SAMHD1: variants seen among roughly 807,000 people sequenced by gnomAD.
SAMHD1 encodes the protein SAM and HD domain containing deoxynucleoside triphosphate triphosphohydrolase 1, also known as deoxynucleoside triphosphate triphosphohydrolase SAMHD1.
A neutral mutation model predicts 79.6 loss-of-function variants in SAMHD1; 54 were observed. The observed-to-expected ratio is 0.68, with a 90% confidence interval of 0.55 to 0.85. The LOEUF is 0.85. Among genes scored for constraint, SAMHD1 ranks in the 40% least tolerant of loss-of-function variants. The pLI is 0.00. For synonymous variants in SAMHD1, 260 were observed against 264.1 expected (o/e 0.98, Z 0.15); for missense variants, 663 against 782.7 (o/e 0.85, Z 1.82).
rs370354908 is a variant in SAMHD1, at chr20:36,904,165, T to C, written c.1495A>G (p.Ile499Val). ...CTGGGCTAATTACTTACATCCACTA[T>C]AAAATCTTCAGCCTTCAGTTTCACG... ...LDVKLKAEDF[I>V]VDVINMDYGM... The change falls in exon 13 of 16, where the codon ATA becomes GTA. Residue 499 changes from isoleucine to valine, a missense_variant. Physicochemically the swap from Ile to Val is conservative, Grantham distance 29. Transcript: ENST00000646673. The C allele has an allele frequency of 8.1e-6, 13 of 1,609,276 alleles. No homozygotes were observed. The highest frequency in any genetic ancestry group is 1.1e-5 in the Non-Finnish European group (13 of 1,175,604).
intron 11 of SAMHD1, among the ~76,000 whole-genome samples, chr20:36,908,171 T>TA (rs774408105): frequency 6.6e-6 from 1 of 152,268 alleles, no homozygotes. Context: ...CCACCCTGCC[T>TA]AGCCTTACAT....
At chr20:36,914,412 G>A (rs1373888496) in intron 9 of SAMHD1, among the ~76,000 whole-genome samples, 5 of 151,688 alleles carry the variant, frequency 3.3e-5, no homozygotes, top group East Asian at 2.0e-4. Flanking sequence ...GTGCAGTGGC[G>A]CAATCTCGGC....
chr20:36,926,500 AAT>A (rs1445726155), intron 6 of SAMHD1, among the ~76,000 whole-genome samples: 1 of 152,166 alleles, frequency 6.6e-6, no homozygotes, highest in Non-Finnish European at 1.5e-5. Flanking sequence ...CTGACTGGGT[AAT>A]AGTCATATGG....
In SAMHD1 at chr20:36,911,295, T is replaced by C. The variant is rs916801950; in HGVS notation, c.1193A>G (p.Glu398Gly). The C allele has an allele frequency of 1.9e-6, 3 of 1,612,656 alleles. No homozygotes were observed. Among genetic ancestry groups the C allele is most frequent in the Admixed American group, 1.7e-5 (1 of 59,968 alleles). ...CTTTTTTCCTCCAGCACCTGTAATC[T>C]CTATGTAGTCATCTGCTTTGAGGAA... Reference protein sequence around the residue: ...DAFLKADDYIEITGAGGKKYR... With the variant: ...DAFLKADDYIGITGAGGKKYR... The change falls in exon 11 of 16, where the codon GAG becomes GGG. Residue 398 changes from glutamate (E) to glycine (G), a missense_variant. By Grantham distance (98) the Glu-to-Gly change is moderately conservative. Coordinates refer to ENST00000646673, the MANE Select transcript of SAMHD1 (RefSeq NM_015474.4).
At chr20:36,927,587 GATT>G (rs1414316232) in intron 5 of SAMHD1, among the ~76,000 whole-genome samples, 2 of 152,140 alleles carry the variant, frequency 1.3e-5, no homozygotes, top group African/African-American at 2.4e-5. Flanking sequence ...AAAGTGCTGG[GATT>G]ACAGGCGTGA....
intron 13 of SAMHD1, among the ~76,000 whole-genome samples, chr20:36,901,374 C>T (rs551846920): frequency 5.3e-5 from 8 of 152,274 alleles, no homozygotes; most frequent in African/African-American, 1.9e-4. Context: ...TGCAGCAAGG[C>T]ATGATCATGC....
intron 1 of SAMHD1, chr20:36,947,121 T>C (rs1197244632): frequency 1.0e-5 from 3 of 295,902 alleles, no homozygotes; most frequent in East Asian, 8.9e-5. Flanking sequence ...TCAGCAGCTT[T>C]GAGTTGGGGA....
At chr20:36,921,414 G>T (rs1347834374) in intron 6 of SAMHD1, among the ~76,000 whole-genome samples, 3 of 97,758 alleles carry the variant, frequency 3.1e-5, no homozygotes, top group African/African-American at 4.3e-5. Flanking sequence ...AAAAAAAAAC[G>T]AATTGAATCA....
chr20:36,919,395 C>T lies in SAMHD1; in HGVS notation c.821G>A (p.Gly274Glu), dbSNP rs2063492690. ...ATCTTCGACAGGTGATTCAAGTGGT[C>T]CTACAATTTGTTCCTTTATAAAGCA... ...DICFIKEQIV[G>E]PLESPVEDSL... The change falls in exon 7 of 16, where the codon GGA (glycine) becomes GAA (glutamate). Residue 274 changes from glycine to glutamate, a missense_variant. Coordinates refer to ENST00000646673, the MANE Select transcript of SAMHD1 (RefSeq NM_015474.4). The T allele has an allele frequency of 1.9e-6, 3 of 1,613,590 alleles. No individual in the cohort carries two copies. The highest frequency in any genetic ancestry group is 1.3e-5 in the African/African-American group (1 of 74,996).
At position 36,898,483 on chromosome 20, in the gene SAMHD1, C is replaced by T. The variant is rs1046544176; in HGVS notation, c.1565G>A (p.Cys522Tyr). Residue 522 changes from cysteine to tyrosine, a missense_variant, in exon 14 of 16, where the codon TGT becomes TAT. Cys to Tyr is a radical substitution (Grantham distance 194, BLOSUM62 -2). Transcript: ENST00000646673. ...KNPIDHVSFYCKTAPNRAIRI... is the reference protein window; with the variant it reads ...KNPIDHVSFYYKTAPNRAIRI... The stretch of plus-strand genomic sequence containing the variant: ...GATTGCTCTGTTGGGGGCAGTCTTA[C>T]AATAGAAGCTAACATGATCAATTGG... 8 of 1,613,996 alleles carry T rather than the reference C, an allele frequency of 5.0e-6. No homozygotes were observed. Among genetic ancestry groups the T allele is most frequent in the Non-Finnish European group, 6.8e-6 (8 of 1,179,980 alleles).
Position 36,892,244 on chromosome 20 carries a change from C to T in SAMHD1, c.*688G>A, listed in dbSNP as rs2148351558. ...CGTGTTGGAGGCCACTCCTGGCCATCATCTCCAACTCTTTACCCCAACCTG... is the reference window on the plus strand; with the variant it reads ...CGTGTTGGAGGCCACTCCTGGCCATTATCTCCAACTCTTTACCCCAACCTG... On this transcript the variant is annotated 3_prime_UTR_variant, in exon 16 of 16. Transcript: ENST00000646673. 6.5e-6 allele frequency: 1 copy of T among 154,236 alleles called. No individual in the cohort carries two copies. Among genetic ancestry groups the T allele is most frequent in the South Asian group, 2.0e-4 (1 of 4,934 alleles). The allele number at this position is 154,236 out of a possible 1,614,324, so 9.6% of individuals were successfully genotyped here. A position where few individuals can be genotyped will look rare whatever the true frequency, so the allele number is the denominator to read the frequency against.
In SAMHD1 at chr20:36,951,698, G is replaced by T; in HGVS notation, c.-55C>A. On this transcript the variant is annotated 5_prime_UTR_variant, in exon 1 of 16. Coordinates refer to ENST00000646673, the MANE Select transcript of SAMHD1 (RefSeq NM_015474.4). Reference sequence around the variant, plus strand: ...AAGAACCTCGGCGCCGGACCCGCGCGCAGGCGCACTGACAGCAGGGCCCTG... The same window carrying T: ...AAGAACCTCGGCGCCGGACCCGCGCTCAGGCGCACTGACAGCAGGGCCCTG... 2.5e-6 allele frequency: 4 copies of T among 1,608,684 alleles called. No individual in the cohort carries two copies. Among genetic ancestry groups the T allele is most frequent in the Non-Finnish European group, 3.4e-6 (4 of 1,179,784 alleles).
chr20:36,893,038 G>C lies in SAMHD1; in HGVS notation c.1775C>G (p.Thr592Arg). Reference protein sequence around the residue: ...QDGDVIAPLITPQKKEWNDST... With the variant: ...QDGDVIAPLIRPQKKEWNDST... ...GTCGTTCCATTCCTTTTTTTGAGGTGTTATGAGTGGGGCTATAACATCGCC... is the reference window on the plus strand; with the variant it reads ...GTCGTTCCATTCCTTTTTTTGAGGTCTTATGAGTGGGGCTATAACATCGCC... Residue 592 changes from threonine to arginine, a missense_variant, in exon 16 of 16, where the codon ACA (threonine) becomes AGA (arginine). Thr to Arg is a moderately conservative substitution (Grantham distance 71). Transcript: ENST00000646673. 2 of 1,613,774 alleles carry C rather than the reference G, an allele frequency of 1.2e-6. No homozygotes were observed. The highest frequency in any genetic ancestry group is 8.5e-7 in the Non-Finnish European group (1 of 1,180,006).
At chr20:36,948,905 G>A (rs4812612) in intron 1 of SAMHD1, among the ~76,000 whole-genome samples, 2,349 of 11,160 alleles carry the variant, frequency 0.21, 66 homozygotes, top group African/African-American at 0.43. Flanking sequence ...GAAAAGAAAA[G>A]AAGAAAGACT....
rs140804613 is a variant in SAMHD1 at position 36,919,448 on chromosome 20, T to C, written c.768A>G (p.Gln256=). Residue 256 remains glutamine, a synonymous_variant, in exon 7 of 16, where the codon CAA becomes CAG. Coordinates refer to ENST00000646673, the MANE Select transcript of SAMHD1 (RefSeq NM_015474.4). Reference sequence around the variant, plus strand: ...TATCTTCTTCAGGGATGAGACCATATTGTTCCATGACAGGCTTAATTCCAT... The same window carrying C: ...TATCTTCTTCAGGGATGAGACCATACTGTTCCATGACAGGCTTAATTCCAT... ...NSNGIKPVME[Q]YGLIPEEDIC... The C allele has an allele frequency of 5.5e-5, 89 of 1,613,376 alleles. No individual in the cohort carries two copies. In the African/African-American group the frequency reaches 1.1e-3, roughly 21 times the overall value.
downstream of SAMHD1, chr20:36,889,833 A>T (rs912507801): frequency 6.5e-6 from 1 of 153,430 alleles, no homozygotes; most frequent in East Asian, 1.9e-4. Flanking sequence ...CGTTAAAAAA[A>T]TTAAAATTGC....
chr20:36,924,061 T>A, intron 6 of SAMHD1, among the ~76,000 whole-genome samples: 1 of 152,012 alleles, frequency 6.6e-6, no homozygotes. Context: ...CCAGTCTGGG[T>A]AACAAAGTGA....
At chr20:36,942,402 G>T (rs2063652063) in intron 2 of SAMHD1, among the ~76,000 whole-genome samples, 1 of 152,074 alleles carries the variant, frequency 6.6e-6, no homozygotes, top group Non-Finnish European at 1.5e-5. Context: ...TGGGCAACAA[G>T]AGCAAAACTC....
chr20:36,899,396 C>G (rs1990260083), intron 13 of SAMHD1, among the ~76,000 whole-genome samples: 1 of 152,064 alleles, frequency 6.6e-6, no homozygotes, highest in Non-Finnish European at 1.5e-5. Flanking sequence ...CCACTGCACT[C>G]CAGCCTAGGC....
Sources: gnomAD v4.1 joint callset for allele counts (sites outside exome capture counted in the v4.1 genomes callset) on GRCh38, gnomAD v4.1.1 for gene constraint, MANE v1.5 for transcripts, NCBI Gene and HGNC (gene_info 2026-07-23, HGNC 2026-07-21) for gene names.